Variants in CLSTN2 observed in about 807,000 individuals in gnomAD.
The protein encoded by CLSTN2 is calsyntenin-2.
A neutral mutation model predicts 101.2 loss-of-function variants in CLSTN2; 48 were observed. The ratio of observed to expected loss-of-function variants is 0.47; its 90% CI spans 0.38 to 0.60. CLSTN2 has a LOEUF of 0.60. Among genes scored for constraint, CLSTN2 ranks in the 20% least tolerant of loss-of-function variants. The probability of loss-of-function intolerance (pLI) is 0.00; values close to 1 mark genes in which losing one functional copy is unlikely to be tolerated. For synonymous variants in CLSTN2, 481 were observed against 463.6 expected (o/e 1.04, Z -0.48); for missense variants, 1,160 against 1,238.2 (o/e 0.94, Z 0.95).
chr3:139,975,772 A>G (rs1457497482), intron 1 of CLSTN2, among the ~76,000 whole-genome samples: 2 of 145,290 alleles, frequency 1.4e-5, no homozygotes, highest in African/African-American at 5.7e-5. Context: ...CAATTTCCCC[A>G]CCACCTCTCT....
chr3:140,377,862 A>G (rs2087933703), intron 2 of CLSTN2, among the ~76,000 whole-genome samples: 1 of 152,272 alleles, frequency 6.6e-6, no homozygotes, highest in South Asian at 2.1e-4. Flanking sequence ...CTGGGGTTTC[A>G]TATTCACTCA....
rs747923296 is a variant in CLSTN2, at chr3:140,333,064, G to A, written c.233-70565G>A. 4.1e-4 allele frequency among the ~76,000 whole-genome samples: 63 copies of A among 152,166 alleles called. 1 individual carries two copies. The highest frequency in any genetic ancestry group is 7.6e-4 in the Non-Finnish European group (52 of 68,038). The stretch of plus-strand genomic sequence containing the variant: ...AGAGACAGTACAGCTGTAAGTACCT[G>A]GCCCAGAGCTTGACTGAGTAGGACC... On this transcript the variant is annotated intron_variant, in intron 2 of 16. Transcript: ENST00000458420.
At chr3:140,475,709 G>T (rs1286172061) in intron 8 of CLSTN2, among the ~76,000 whole-genome samples, 3 of 152,202 alleles carry the variant, frequency 2.0e-5, no homozygotes, top group East Asian at 3.9e-4. Flanking sequence ...ATCCTGTCTG[G>T]TCTCTTTTTT....
chr3:140,027,456 C>A (rs974996238), intron 1 of CLSTN2, among the ~76,000 whole-genome samples: 4 of 152,140 alleles, frequency 2.6e-5, no homozygotes, highest in Admixed American at 1.3e-4. Flanking sequence ...TCCCTTGGAA[C>A]CTTCAGAGGG....
chr3:140,232,604 G>A (rs58964530), intron 2 of CLSTN2, among the ~76,000 whole-genome samples: 5,926 of 152,140 alleles, frequency 0.039, 358 homozygotes, highest in African/African-American at 0.13. Flanking sequence ...AGTCCCATGT[G>A]CCTACCCACT....
intron 2 of CLSTN2, among the ~76,000 whole-genome samples, chr3:140,244,544 C>G (rs2086498321): frequency 6.6e-6 from 1 of 152,200 alleles, no homozygotes; most frequent in Non-Finnish European, 1.5e-5. Flanking sequence ...ATACTTGATT[C>G]AGTGTCTGGT....
chr3:140,144,978 C>T (rs562187734), intron 1 of CLSTN2, among the ~76,000 whole-genome samples: 313 of 152,332 alleles, frequency 2.1e-3, no homozygotes, highest in Middle Eastern at 0.01. Context: ...CCCCAGAGGA[C>T]CATTTCCTAT....
intron 1 of CLSTN2, among the ~76,000 whole-genome samples, chr3:140,032,938 C>A (rs2007585666): frequency 1.3e-5 from 2 of 152,128 alleles, no homozygotes; most frequent in South Asian, 4.2e-4. Context: ...GCAGACTGAC[C>A]CTTACAGTAG....
chr3:140,537,364 A>C (rs978092898), intron 9 of CLSTN2, among the ~76,000 whole-genome samples: 3 of 152,074 alleles, frequency 2.0e-5, no homozygotes, highest in African/African-American at 7.3e-5. Context: ...CTTCATTTCC[A>C]TTAGTATTTA....
chr3:140,356,981 G>A (rs543364988), intron 2 of CLSTN2, among the ~76,000 whole-genome samples: 70 of 152,186 alleles, frequency 4.6e-4, no homozygotes, highest in African/African-American at 1.6e-3. Flanking sequence ...TGAAGAAACC[G>A]AGGCTGACAG....
intron 8 of CLSTN2, among the ~76,000 whole-genome samples, chr3:140,494,155 G>T (rs115412264): frequency 6.6e-6 from 1 of 152,282 alleles, no homozygotes; most frequent in African/African-American, 2.4e-5. Flanking sequence ...AACCAATTGT[G>T]TGACCCTCTG....
chr3:140,217,684 A>G (rs566794297), intron 2 of CLSTN2, among the ~76,000 whole-genome samples: 1 of 152,324 alleles, frequency 6.6e-6, no homozygotes, highest in East Asian at 1.9e-4. Flanking sequence ...TATATGACAC[A>G]TTTCTTCTAA....
chr3:139,978,450 G>A (rs1461154429), intron 1 of CLSTN2, among the ~76,000 whole-genome samples: 1 of 152,118 alleles, frequency 6.6e-6, no homozygotes, highest in African/African-American at 2.4e-5. Flanking sequence ...AGTACCCAGA[G>A]CATAAGAATG....
chr3:140,316,299 G>A (rs973317719), intron 2 of CLSTN2, among the ~76,000 whole-genome samples: 1 of 152,180 alleles, frequency 6.6e-6, no homozygotes, highest in African/African-American at 2.4e-5. Flanking sequence ...AAGTCCTAGA[G>A]GGGAAGCAAG....
intron 1 of CLSTN2, among the ~76,000 whole-genome samples, chr3:140,004,661 G>C (rs2006917964): frequency 6.6e-6 from 1 of 152,096 alleles, no homozygotes; most frequent in Non-Finnish European, 1.5e-5. Context: ...AAAGATATCT[G>C]AATTGGAAAA....
At chr3:140,352,718 T>C (rs1309300435) in intron 2 of CLSTN2, among the ~76,000 whole-genome samples, 1 of 152,210 alleles carries the variant, frequency 6.6e-6, no homozygotes, top group East Asian at 1.9e-4. Flanking sequence ...AGCTGCTCTC[T>C]AAAATGATAT....
chr3:140,426,486 C>T (rs574257236), intron 5 of CLSTN2, among the ~76,000 whole-genome samples: 27 of 152,264 alleles, frequency 1.8e-4, no homozygotes, highest in African/African-American at 6.3e-4. Context: ...CATAGTATTC[C>T]GTGGTGTATA....
intron 2 of CLSTN2, among the ~76,000 whole-genome samples, chr3:140,308,333 G>A (rs527695780): frequency 6.6e-6 from 1 of 152,324 alleles, no homozygotes; most frequent in South Asian, 2.1e-4. Flanking sequence ...CAGTGTAGGT[G>A]TAAGGGGCAT....
At chr3:140,095,190 T>C (rs2008848505) in intron 1 of CLSTN2, among the ~76,000 whole-genome samples, 2 of 152,302 alleles carry the variant, frequency 1.3e-5, no homozygotes, top group African/African-American at 4.8e-5. Context: ...ATTAAGGATG[T>C]CTGGGGGCTA....
Sources: gnomAD v4.1 joint callset for allele counts (sites outside exome capture counted in the v4.1 genomes callset) on GRCh38, gnomAD v4.1.1 for gene constraint, MANE v1.5 for transcripts, NCBI Gene and HGNC (gene_info 2026-07-23, HGNC 2026-07-21) for gene names.